The following DNAJC13 variants were observed in gnomAD, a reference collection of about 807,000 sequenced individuals.
DNAJC13 encodes the protein DnaJ heat shock protein family (Hsp40) member C13, also known as dnaJ homolog subfamily C member 13.
A neutral mutation model predicts 290.5 loss-of-function variants in DNAJC13; 75 were observed. The observed-to-expected ratio is 0.26, with a 90% confidence interval of 0.21 to 0.31. The LOEUF (loss-of-function observed/expected upper bound fraction) is 0.31. DNAJC13 is among the 10% of genes least tolerant of loss of function. The pLI, the probability that DNAJC13 is intolerant of heterozygous loss-of-function variation, is 1.00. For synonymous variants in DNAJC13, 862 were observed against 892.0 expected (o/e 0.97, Z 0.60); for missense variants, 2,260 against 2,674.5 (o/e 0.85, Z 3.42).
intron 13 of DNAJC13, among the ~76,000 whole-genome samples, chr3:132,459,698 A>C (rs546132918): frequency 5.3e-5 from 8 of 152,218 alleles, no homozygotes; most frequent in Non-Finnish European, 1.2e-4. Context: ...TCATCTAAGC[A>C]TCATAGTAAT....
chr3:132,420,153 C>G (rs1559860939), intron 1 of DNAJC13, among the ~76,000 whole-genome samples: 1 of 152,184 alleles, frequency 6.6e-6, no homozygotes, highest in African/African-American at 2.4e-5. Context: ...ATGATGAAAG[C>G]TGAATGCACA....
At chr3:132,501,006 CAA>C in intron 39 of DNAJC13, 93 bp downstream of exon 39, 1 of 1,418,510 alleles carries the variant, frequency 7.0e-7, no homozygotes, top group East Asian at 2.4e-5. Context: ...ATTGTTTTCC[CAA>C]AGTTATTTGT....
rs1477334463 is a variant in DNAJC13 at position 132,434,533 on chromosome 3, T to C, written c.-13-5T>C. On this transcript the variant is annotated splice_polypyrimidine_tract_variant and splice_region_variant and intron_variant, in intron 1 of 55. Transcript: ENST00000260818. Reference sequence around the variant, plus strand: ...ACTAAGTGCCCTCATATTTTTATCTTCCAGGTTTGAGCACAAAATGAACAT... The same window carrying C: ...ACTAAGTGCCCTCATATTTTTATCTCCCAGGTTTGAGCACAAAATGAACAT... 6.2e-7 allele frequency: 1 copy of C among 1,604,900 alleles called. No individual in the cohort carries two copies. The highest frequency in any genetic ancestry group is 8.5e-7 in the Non-Finnish European group (1 of 1,174,506).
intron 51 of DNAJC13, 63 bp downstream of exon 51, chr3:132,523,776 C>G: frequency 6.8e-7 from 1 of 1,479,896 alleles, no homozygotes; most frequent in Non-Finnish European, 9.1e-7. Flanking sequence ...TGGTGTTTCT[C>G]TTACAACCTT....
intron 1 of DNAJC13, among the ~76,000 whole-genome samples, chr3:132,429,303 G>GT (rs397939825): frequency 0.058 from 8,524 of 147,700 alleles, 409 homozygotes; most frequent in African/African-American, 0.13. Context: ...TCAGGGTGAA[G>GT]TTTTTTTTTT....
At chr3:132,445,491 C>T (rs1395653277) in intron 2 of DNAJC13, among the ~76,000 whole-genome samples, 1 of 151,888 alleles carries the variant, frequency 6.6e-6, no homozygotes, top group African/African-American at 2.4e-5. Flanking sequence ...GCTGTTTTTA[C>T]TCAGTTTTCG....
chr3:132,480,554 G>A, intron 26 of DNAJC13, 84 bp downstream of exon 26: 1 of 1,032,244 alleles, frequency 9.7e-7, no homozygotes, highest in Non-Finnish European at 1.5e-6. Flanking sequence ...AATCTGAAAA[G>A]ATGTGGTCAC....
chr3:132,437,852 C>A (rs1355012621), intron 2 of DNAJC13, among the ~76,000 whole-genome samples: 1 of 151,718 alleles, frequency 6.6e-6, no homozygotes, highest in Non-Finnish European at 1.5e-5. Flanking sequence ...AGACAGCTGC[C>A]CGGCCTGACC....
chr3:132,495,276 C>A, intron 35 of DNAJC13, 110 bp downstream of exon 35: 1 of 789,304 alleles, frequency 1.3e-6, no homozygotes, highest in Non-Finnish European at 2.1e-6. Context: ...ATAATATATA[C>A]TCAGTGTATG....
chr3:132,484,938 G>A lies in DNAJC13; in HGVS notation c.3267+266G>A, dbSNP rs561848568. ...AAATAAATAAATAAAGTAAATGGCC[G>A]CCAGGCATGATGGCACATGTCTGTA... On this transcript the variant is annotated intron_variant, in intron 29 of 55. Coordinates refer to ENST00000260818, the MANE Select transcript of DNAJC13 (RefSeq NM_015268.4). Among the ~76,000 whole-genome samples the A allele has an allele frequency of 1.1e-4, 16 of 151,964 alleles. No individual in the cohort carries two copies. The East Asian group carries it at 2.0e-3, about 19-fold the overall frequency.
chr3:132,528,097 C>T, intron 53 of DNAJC13, 92 bp from the exon 54 acceptor site: 1 of 1,419,898 alleles, frequency 7.0e-7, no homozygotes, highest in Admixed American at 1.9e-5. Context: ...CAACAGGCTG[C>T]CTTCCAGGTA....
In DNAJC13 at chr3:132,456,411, G is replaced by T; in HGVS notation, c.1099+10G>T. 2.5e-6 allele frequency: 4 copies of T among 1,611,148 alleles called. No individual in the cohort carries two copies. In the South Asian group the frequency reaches 4.4e-5, roughly 18 times the overall value. On this transcript the variant is annotated intron_variant, in intron 10 of 55. Transcript: ENST00000260818. ...TTAGCTACGCCTCCAAGTAAGTATT[G>T]ATTTAAATGTAATTACATTTCCACT...
rs1933957436 is a variant in DNAJC13, at chr3:132,465,683, T to C, written c.1893-312T>C. 3.9e-5 allele frequency among the ~76,000 whole-genome samples: 6 copies of C among 152,160 alleles called. No individual in the cohort carries two copies. In the South Asian group the frequency reaches 1.2e-3, roughly 32 times the overall value. On this transcript the variant is annotated intron_variant, in intron 17 of 55. Transcript: ENST00000260818. ...TAAACAAATTAATTGTGTCATCAAA[T>C]CTAATTGTTTTTGTTGTTTTTTTTC...
At chr3:132,485,007 C>A (rs898528180) in intron 29 of DNAJC13, among the ~76,000 whole-genome samples, 2 of 152,146 alleles carry the variant, frequency 1.3e-5, no homozygotes, top group Non-Finnish European at 2.9e-5. Context: ...TTGTTTGATC[C>A]CAGGAGTTTG....
At chr3:132,504,604 G>A (rs1267849685) in intron 41 of DNAJC13, among the ~76,000 whole-genome samples, 1 of 152,184 alleles carries the variant, frequency 6.6e-6, no homozygotes, top group African/African-American at 2.4e-5. Context: ...AACAAGGCTT[G>A]CATGTCTTTG....
At chr3:132,440,798 G>A (rs1933039846) in intron 2 of DNAJC13, among the ~76,000 whole-genome samples, 1 of 152,236 alleles carries the variant, frequency 6.6e-6, no homozygotes, top group Non-Finnish European at 1.5e-5. Context: ...ACGCATGACT[G>A]TATGTATTAT....
Position 132,520,385 on chromosome 3 carries a change from G to A in DNAJC13, c.5674-2443G>A, listed in dbSNP as rs185462610. Among the ~76,000 whole-genome samples the A allele has an allele frequency of 1.8e-3, 273 of 152,254 alleles. 2 individuals are homozygous for A. The highest frequency in any genetic ancestry group is 3.0e-3 in the Non-Finnish European group (203 of 68,012). ...AACATAACTGGAGATTTATGGTCAT[G>A]GTATTTGCCTTATGTAGGTTTTTTG... On this transcript the variant is annotated intron_variant, in intron 48 of 55. Transcript: ENST00000260818.
chr3:132,447,466 C>T lies in DNAJC13; in HGVS notation c.290C>T (p.Ala97Val), dbSNP rs752636734. The change falls in exon 4 of 56, where the codon GCA (alanine) becomes GTA (valine). Residue 97 changes from alanine (A) to valine (V), a missense_variant. Transcript: ENST00000260818. ...CACAGAACAGAACTTCTTACAGAAG[C>T]ATTGGTAAGAAGATTCCATGTTCAT... The part of the protein sequence containing the change: ...TEHRTELLTE[A>V]LRFRTDFSEG... The T allele has an allele frequency of 6.4e-6, 10 of 1,569,690 alleles. No individual in the cohort carries two copies. The East Asian group carries it at 1.4e-4, about 22-fold the overall frequency.
chr3:132,439,513 T>G (rs1169688131), intron 2 of DNAJC13, among the ~76,000 whole-genome samples: 1 of 151,944 alleles, frequency 6.6e-6, no homozygotes, highest in Non-Finnish European at 1.5e-5. Context: ...AATTCTTTTG[T>G]GTTTTCTTTG....
Sources: gnomAD v4.1 joint callset for allele counts (sites outside exome capture counted in the v4.1 genomes callset) on GRCh38, gnomAD v4.1.1 for gene constraint, MANE v1.5 for transcripts, NCBI Gene and HGNC (gene_info 2026-07-23, HGNC 2026-07-21) for gene names.